Variants in ODF1 observed in about 807,000 individuals in gnomAD.
ODF1 encodes outer dense fiber protein 1.
ODF1 carries 10 observed loss-of-function variants against 24.0 expected under a neutral mutation model. That is an observed-to-expected ratio of 0.42 (90% CI 0.26 to 0.71). The LOEUF is 0.71. Ranked by LOEUF, ODF1 falls within the 30% of genes least tolerant of loss-of-function variation. The pLI is 0.28. For missense variants in ODF1, 282 were observed against 307.9 expected, an observed-to-expected ratio of 0.92 and a Z score of 0.63; for synonymous variants, 118 against 121.3, an observed-to-expected ratio of 0.97 and a Z score of 0.18.
chr8:102,555,654 T>A (rs1826102618), intron 1 of ODF1, among the ~76,000 whole-genome samples: 2 of 152,224 alleles, frequency 1.3e-5, no homozygotes, highest in Non-Finnish European at 2.9e-5. Context: ...GAGCTCTTTG[T>A]GGATTTAGAG....
intron 1 of ODF1, among the ~76,000 whole-genome samples, chr8:102,560,014 A>C (rs1826157826): frequency 6.6e-6 from 1 of 151,354 alleles, no homozygotes; most frequent in Admixed American, 6.6e-5. Context: ...AGGATTTATA[A>C]TGTACGAAGC....
intron 1 of ODF1, among the ~76,000 whole-genome samples, chr8:102,558,744 C>CCA (rs749551906): frequency 6.2e-5 from 9 of 146,028 alleles, no homozygotes; most frequent in Non-Finnish European, 1.2e-4. Flanking sequence ...GTATATAGAA[C>CCA]TACACACACA....
At position 102,551,649 on chromosome 8, in the gene ODF1, C is replaced by T; in HGVS notation, c.-79C>T. 1 of 1,215,200 alleles carries T rather than the reference C, an allele frequency of 8.2e-7. No individual in the cohort carries two copies. The allele number at this position is 1,215,200 out of a possible 1,614,324, so 75.3% of individuals were successfully genotyped here. A position where few individuals can be genotyped will look rare whatever the true frequency, so the allele number is the denominator to read the frequency against. On this transcript the variant is annotated 5_prime_UTR_variant, in exon 1 of 2. Transcript: ENST00000285402. ...CCTCATTTATTTTTAAAAGCAACTTCTGAGAAGGGCTTAGAACAAATTTTT... is the reference window on the plus strand; with the variant it reads ...CCTCATTTATTTTTAAAAGCAACTTTTGAGAAGGGCTTAGAACAAATTTTT...
chr8:102,557,918 T>C (rs1168986771), intron 1 of ODF1, among the ~76,000 whole-genome samples: 1 of 152,190 alleles, frequency 6.6e-6, no homozygotes, highest in Non-Finnish European at 1.5e-5. Context: ...CTGTAATCTA[T>C]CCAGAGAGGG....
In ODF1 at chr8:102,551,976, G is replaced by A. The variant is rs756426479; in HGVS notation, c.249G>A (p.Leu83=). 6.2e-7 allele frequency: 1 copy of A among 1,613,576 alleles called. No individual in the cohort carries two copies. Residue 83 remains leucine (L), a synonymous_variant, in exon 1 of 2, where the codon CTG becomes CTA. Transcript: ENST00000285402. ...TGTGTGATTATAAGCTTTACTGTCT[G>A]CGACCATCTCTCAGAAGTTTGGAGA... ...CCLCDYKLYC[L]RPSLRSLERK...
At chr8:102,558,929 A>G (rs58139425) in intron 1 of ODF1, among the ~76,000 whole-genome samples, 51,944 of 151,228 alleles carry the variant, frequency 0.34, 9,428 homozygotes, top group South Asian at 0.4. Context: ...AAGTAACTGC[A>G]TAAACAAAAT....
Position 102,560,712 on chromosome 8 carries a change from G to A in ODF1, c.581G>A (p.Ser194Asn). ...KDVTYSYGLGSCVKIESPCYP... is the reference protein window; with the variant it reads ...KDVTYSYGLGNCVKIESPCYP... ...GTAACATACTCCTATGGGCTCGGCA[G>A]CTGTGTCAAGATCGAGTCTCCTTGC... The change falls in exon 2 of 2, where the codon AGC becomes AAC. Residue 194 changes from serine (S) to asparagine (N), a missense_variant. Coordinates refer to ENST00000285402, the MANE Select transcript of ODF1 (RefSeq NM_024410.4). 6.2e-7 allele frequency: 1 copy of A among 1,614,034 alleles called. No homozygotes were observed. Among genetic ancestry groups the A allele is most frequent in the Non-Finnish European group, 8.5e-7 (1 of 1,180,020 alleles).
intron 1 of ODF1, among the ~76,000 whole-genome samples, chr8:102,559,449 A>G (rs137889629): frequency 3.3e-5 from 5 of 151,734 alleles, no homozygotes; most frequent in East Asian, 3.9e-4. Context: ...GCATTTTCCA[A>G]TTTCCATGGT....
chr8:102,552,972 G>T (rs995098549), intron 1 of ODF1, among the ~76,000 whole-genome samples: 7 of 129,326 alleles, frequency 5.4e-5, no homozygotes, highest in African/African-American at 9.1e-5. Flanking sequence ...CTGATAGACA[G>T]ATGACAGATA....
chr8:102,553,397 T>A (rs999511824), intron 1 of ODF1, among the ~76,000 whole-genome samples: 12 of 143,530 alleles, frequency 8.4e-5, no homozygotes, highest in Admixed American at 7.0e-4. Flanking sequence ...AAAAAAAGGA[T>A]AATTATTGTC....
At chr8:102,552,072 T>G (rs1230567345) in intron 1 of ODF1, 25 bp downstream of exon 1, 11 of 1,524,840 alleles carry the variant, frequency 7.2e-6, no homozygotes, top group Non-Finnish European at 9.8e-6. Context: ...TTTTAAATTT[T>G]TATAGTCGGT....
At chr8:102,552,108 G>A in intron 1 of ODF1, 61 bp downstream of exon 1, 1 of 1,185,988 alleles carries the variant, frequency 8.4e-7, no homozygotes. Flanking sequence ...GTTGGAATAA[G>A]GAAAAATATG....
At chr8:102,552,629 G>T (rs1383641907) in intron 1 of ODF1, among the ~76,000 whole-genome samples, 3 of 152,086 alleles carry the variant, frequency 2.0e-5, no homozygotes, top group African/African-American at 7.2e-5. Context: ...CTCTAGCAAA[G>T]GTCTTGCAAA....
Position 102,560,956 on chromosome 8 carries a change from T to G in ODF1, c.*72T>G. The G allele has an allele frequency of 7.4e-7, 1 of 1,360,272 alleles. No individual in the cohort carries two copies. The highest frequency in any genetic ancestry group is 1.0e-6 in the Non-Finnish European group (1 of 989,854). The allele number at this position is 1,360,272 out of a possible 1,614,324, so 84.3% of individuals were successfully genotyped here. On this transcript the variant is annotated 3_prime_UTR_variant, in exon 2 of 2. Coordinates refer to ENST00000285402, the MANE Select transcript of ODF1 (RefSeq NM_024410.4). ...CAGGCAGCTCTCCCAATGTTTCTCCTCTCCTTCCCATGGCCCCTGTTGTTG... is the reference window on the plus strand; with the variant it reads ...CAGGCAGCTCTCCCAATGTTTCTCCGCTCCTTCCCATGGCCCCTGTTGTTG...
chr8:102,559,521 G>A lies in ODF1; in HGVS notation c.321-931G>A, dbSNP rs574832214. Among the ~76,000 whole-genome samples the A allele has an allele frequency of 8.6e-5, 13 of 151,744 alleles. No homozygotes were observed. The South Asian group carries it at 2.3e-3, about 27-fold the overall frequency. ...CTATCAGCGTGCAGTACTAACTGGG[G>A]ATCGGGAAGAGATGTACACGATCAG... On this transcript the variant is annotated intron_variant, in intron 1 of 1. Transcript: ENST00000285402.
Position 102,560,816 on chromosome 8 carries a change from C to A in ODF1, c.685C>A (p.Pro229Thr), listed in dbSNP as rs200771536. The A allele has an allele frequency of 6.5e-4, 1,054 of 1,610,802 alleles. 11 individuals carry two copies. In the South Asian group the frequency reaches 7.8e-3, roughly 12 times the overall value. ...CTGCAGCCCCTGCAACCCGTGCAGC[C>A]CATATGATCCTTGCAACCCGTGTTA... ...NPCSPCNPCS[P>T]YDPCNPCYPC... The change falls in exon 2 of 2, where the codon CCA becomes ACA. Residue 229 changes from proline to threonine, a missense_variant. Physicochemically the swap from Pro to Thr is conservative, Grantham distance 38 (BLOSUM62 -1). Transcript: ENST00000285402.
At chr8:102,559,059 AAAAAG>A (rs1372952909) in intron 1 of ODF1, among the ~76,000 whole-genome samples, 9 of 151,484 alleles carry the variant, frequency 5.9e-5, no homozygotes, top group Non-Finnish European at 7.4e-5. Context: ...CAAAAAAAAA[AAAAAG>A]AAAAGACAAA....
At chr8:102,559,259 T>C (rs1047890009) in intron 1 of ODF1, among the ~76,000 whole-genome samples, 6 of 151,476 alleles carry the variant, frequency 4.0e-5, no homozygotes, top group Admixed American at 1.3e-4. Flanking sequence ...GATACTCCAG[T>C]TCCAGAGTCT....
chr8:102,560,803 C>G lies in ODF1; in HGVS notation c.672C>G (p.Cys224Trp). The change falls in exon 2 of 2, where the codon TGC (cysteine) becomes TGG (tryptophan). Residue 224 changes from cysteine (C) to tryptophan (W), a missense_variant. Transcript: ENST00000285402. ...PCSPCNPCSP[C>W]NPCSPYDPCN... ...GCCCCTGCAACCCCTGCAGCCCCTG[C>G]AACCCGTGCAGCCCATATGATCCTT... is the stretch of plus-strand genomic sequence containing the variant. 1 of 853,110 alleles carries G rather than the reference C, an allele frequency of 1.2e-6. No individual in the cohort carries two copies. Among genetic ancestry groups the G allele is most frequent in the Non-Finnish European group, 1.5e-6 (1 of 650,980 alleles). The allele number at this position is 853,110 out of a possible 1,614,324, so 52.8% of individuals were successfully genotyped here. A position where few individuals can be genotyped will look rare whatever the true frequency, so the allele number is the denominator to read the frequency against.
Sources: gnomAD v4.1 joint callset for allele counts (sites outside exome capture counted in the v4.1 genomes callset) on GRCh38, gnomAD v4.1.1 for gene constraint, MANE v1.5 for transcripts, NCBI Gene and HGNC (gene_info 2026-07-23, HGNC 2026-07-21) for gene names.